Variants in GLP2R observed in about 807,000 individuals in gnomAD.
GLP2R encodes the protein glucagon like peptide 2 receptor.
Under a neutral mutation model 68.2 loss-of-function variants are expected in GLP2R, and 59 were observed. That is an observed-to-expected ratio of 0.87 (90% CI 0.70 to 1.07). GLP2R has a LOEUF of 1.07. Among genes scored for constraint, GLP2R ranks in the 50% least tolerant of loss-of-function variants. GLP2R has a pLI of 0.00. For missense variants in GLP2R, 548 were observed against 677.4 expected (o/e 0.81, Z 2.12); for synonymous variants, 270 against 265.4 (o/e 1.02, Z -0.17).
rs778276487 is a variant in GLP2R, at chr17:9,857,475, A to C, written c.664A>C (p.Ile222Leu). Residue 222 changes from isoleucine (I) to leucine (L), a missense_variant, in exon 6 of 13, where the codon ATC (isoleucine) becomes CTC (leucine). Coordinates refer to ENST00000262441, the MANE Select transcript of GLP2R (RefSeq NM_004246.3). ...YIHMNLFASF[I>L]LRTLAVLVKD... ...CCACATGAACTTGTTTGCTTCTTTC[A>C]TCCTGAGAACCCTGGCTGTACTGGT... is the stretch of plus-strand genomic sequence containing the variant. The C allele has an allele frequency of 6.2e-7, 1 of 1,614,160 alleles. No homozygotes were observed. The highest frequency in any genetic ancestry group is 1.1e-5 in the South Asian group (1 of 91,076).
chr17:9,832,133 A>G (rs2066685824), intron 1 of GLP2R, among the ~76,000 whole-genome samples: 1 of 152,152 alleles, frequency 6.6e-6, no homozygotes, highest in African/African-American at 2.4e-5. Context: ...TAGAAGAGAA[A>G]GCCCTTTTTA....
chr17:9,839,425 C>T (rs537214104), intron 3 of GLP2R, among the ~76,000 whole-genome samples: 10 of 152,204 alleles, frequency 6.6e-5, no homozygotes, highest in African/African-American at 2.2e-4. Flanking sequence ...TTCTCCGCCT[C>T]TCTTCCCCAT....
At chr17:9,870,970 T>C in intron 10 of GLP2R, 135 bp downstream of exon 10, 1 of 616,322 alleles carries the variant, frequency 1.6e-6, no homozygotes, top group South Asian at 2.0e-5. Context: ...GAAGGTGCTA[T>C]AGGATCAAGT....
In GLP2R at chr17:9,851,653, T is replaced by C. The variant is rs112396046; in HGVS notation, c.505-2842T>C. ...AAGAGCTCAAAGTCTACACCGAGAG[T>C]TCTGCCTCCAGACCACCACTGCAAA... On this transcript the variant is annotated intron_variant, in intron 4 of 12. Transcript: ENST00000262441. Among the ~76,000 whole-genome samples, 156 of 149,302 alleles carry C rather than the reference T, an allele frequency of 1.0e-3. 2 individuals carry two copies. The highest frequency in any genetic ancestry group is 3.5e-3 in the African/African-American group (143 of 41,028).
intron 9 of GLP2R, among the ~76,000 whole-genome samples, chr17:9,868,140 G>A (rs924449502): frequency 1.3e-5 from 2 of 152,302 alleles, no homozygotes; most frequent in Admixed American, 6.5e-5. Flanking sequence ...ATGAATGAAA[G>A]GAGAAAGGGC....
intron 10 of GLP2R, among the ~76,000 whole-genome samples, chr17:9,879,547 G>A (rs62066056): frequency 0.21 from 31,322 of 151,800 alleles, 4,250 homozygotes; most frequent in Non-Finnish European, 0.31. Context: ...GTGGATTCAG[G>A]GAGTTGATAC....
chr17:9,840,168 G>A (rs2066772480), intron 3 of GLP2R, among the ~76,000 whole-genome samples: 1 of 152,074 alleles, frequency 6.6e-6, no homozygotes, highest in South Asian at 2.1e-4. Flanking sequence ...ATAGAGACAG[G>A]GTTTCACTAT....
At chr17:9,876,557 G>A (rs145365584) in intron 10 of GLP2R, among the ~76,000 whole-genome samples, 2 of 152,314 alleles carry the variant, frequency 1.3e-5, no homozygotes, top group African/African-American at 2.4e-5. Context: ...AAATAAGGAC[G>A]TTCCTTTCCT....
At chr17:9,877,074 CTG>C (rs2067147816) in intron 10 of GLP2R, among the ~76,000 whole-genome samples, 1 of 152,244 alleles carries the variant, frequency 6.6e-6, no homozygotes, top group South Asian at 2.1e-4. Context: ...ATTGGCAACA[CTG>C]AGATTTGAAC....
At chr17:9,844,922 C>T (rs1039494785) in intron 4 of GLP2R, among the ~76,000 whole-genome samples, 2 of 151,602 alleles carry the variant, frequency 1.3e-5, no homozygotes, top group African/African-American at 2.4e-5. Context: ...AACTCCTGAC[C>T]TCAGGTGATC....
At chr17:9,871,537 C>T (rs984058956) in intron 10 of GLP2R, among the ~76,000 whole-genome samples, 1 of 151,958 alleles carries the variant, frequency 6.6e-6, no homozygotes, top group Non-Finnish European at 1.5e-5. Context: ...CCACAGGCAT[C>T]CTTTAATTGT....
chr17:9,832,581 C>T (rs1029152486), intron 1 of GLP2R, among the ~76,000 whole-genome samples: 5 of 151,800 alleles, frequency 3.3e-5, no homozygotes, highest in African/African-American at 9.7e-5. Context: ...AACAAAAAAA[C>T]TTAGCCGAGC....
chr17:9,848,345 G>A (rs2066860413), intron 4 of GLP2R, among the ~76,000 whole-genome samples: 2 of 152,156 alleles, frequency 1.3e-5, no homozygotes, highest in African/African-American at 4.8e-5. Context: ...TAGTACTGAG[G>A]TGCACAGTGG....
Position 9,836,486 on chromosome 17 carries a change from T to C in GLP2R, c.382+11T>C. The C allele has an allele frequency of 6.6e-7, 1 of 1,516,856 alleles. No homozygotes were observed. The allele number at this position is 1,516,856 out of a possible 1,614,324, so 94.0% of individuals were successfully genotyped here. ...CTTGGTGGAGTGAAGGTAATAAGTC[T>C]TATTTTTACCAATTTTCCCCAACCA... On this transcript the variant is annotated intron_variant, in intron 3 of 12. Coordinates refer to ENST00000262441, the MANE Select transcript of GLP2R (RefSeq NM_004246.3).
intron 1 of GLP2R, 77 bp downstream of exon 1, chr17:9,826,329 T>G: frequency 1.1e-6 from 1 of 933,818 alleles, no homozygotes; most frequent in Non-Finnish European, 1.5e-6. Context: ...TTAGGCCTCA[T>G]GTAAGCAATT....
intron 1 of GLP2R, among the ~76,000 whole-genome samples, chr17:9,833,351 C>T (rs1310071475): frequency 6.8e-6 from 1 of 146,004 alleles, no homozygotes; most frequent in Non-Finnish European, 1.5e-5. Context: ...GAGAATCTGT[C>T]TACTCAGAGC....
intron 10 of GLP2R, among the ~76,000 whole-genome samples, chr17:9,873,293 G>T (rs1338556129): frequency 6.6e-6 from 1 of 152,154 alleles, no homozygotes; most frequent in Non-Finnish European, 1.5e-5. Context: ...CTGCTGCTTT[G>T]TGCCCCCAAA....
intron 9 of GLP2R, among the ~76,000 whole-genome samples, chr17:9,869,301 G>A (rs2067069560): frequency 6.6e-6 from 1 of 152,154 alleles, no homozygotes; most frequent in Non-Finnish European, 1.5e-5. Flanking sequence ...ATCTGATCAG[G>A]TCACTTGCGT....
intron 1 of GLP2R, among the ~76,000 whole-genome samples, chr17:9,831,185 A>C (rs1261442074): frequency 6.6e-6 from 1 of 152,198 alleles, no homozygotes. Context: ...CCTAGAAAAC[A>C]TTTGAGCTTG....
Sources: gnomAD v4.1 joint callset for allele counts (sites outside exome capture counted in the v4.1 genomes callset) on GRCh38, gnomAD v4.1.1 for gene constraint, MANE v1.5 for transcripts, NCBI Gene and HGNC (gene_info 2026-07-23, HGNC 2026-07-21) for gene names.